SANBR: variants seen among roughly 807,000 people sequenced by gnomAD.
SANBR encodes SANT and BTB domain regulator of CSR, also known as SANT and BTB domain regulator of class switch recombination.
A neutral mutation model predicts 101.8 loss-of-function variants in SANBR; 77 were observed. The ratio of observed to expected loss-of-function variants is 0.76; its 90% CI spans 0.63 to 0.91. The LOEUF (loss-of-function observed/expected upper bound fraction) is 0.91, where lower values mean the gene tolerates loss of function less well. SANBR is among the 40% of genes least tolerant of loss of function. The probability of loss-of-function intolerance (pLI) is 0.00; values close to 1 mark genes in which losing one functional copy is unlikely to be tolerated. For synonymous variants in SANBR, 279 were observed against 274.7 expected (o/e 1.02, Z -0.15); for missense variants, 875 against 853.0 (o/e 1.03, Z -0.32).
At chr2:61,094,532 T>A (rs1682930817) in intron 11 of SANBR, among the ~76,000 whole-genome samples, 1 of 152,156 alleles carries the variant, frequency 6.6e-6, no homozygotes, top group African/African-American at 2.4e-5. Context: ...AGTTGGAGGA[T>A]GTTTGTGGTC....
At chr2:61,068,298 G>A (rs550963627) in intron 1 of SANBR, among the ~76,000 whole-genome samples, 1 of 152,212 alleles carries the variant, frequency 6.6e-6, no homozygotes, top group African/African-American at 2.4e-5. Context: ...ACTTTGAGAT[G>A]ACCAACTCTT....
At chr2:61,137,633 GA>G (rs1031691335) in exon 22 of SANBR, 1 of 152,132 alleles carries the variant, frequency 6.6e-6, no homozygotes, top group Non-Finnish European at 1.5e-5. Flanking sequence ...CAAGTAGACA[GA>G]AAAGTACAGA....
chr2:61,085,754 G>A (rs983397704), intron 8 of SANBR, among the ~76,000 whole-genome samples: 7 of 151,664 alleles, frequency 4.6e-5, no homozygotes, highest in East Asian at 1.9e-4. Context: ...CAGGTGATCC[G>A]CCCGCCTCGG....
At chr2:61,080,752 A>C (rs1046759751) in intron 6 of SANBR, among the ~76,000 whole-genome samples, 1 of 151,926 alleles carries the variant, frequency 6.6e-6, no homozygotes, top group Non-Finnish European at 1.5e-5. Flanking sequence ...AAAACAAAAA[A>C]CCTTGAATCT....
At chr2:61,074,561 A>G (rs567947100) in intron 5 of SANBR, among the ~76,000 whole-genome samples, 2 of 152,248 alleles carry the variant, frequency 1.3e-5, no homozygotes, top group East Asian at 1.9e-4. Flanking sequence ...GGTGTGTGCC[A>G]CCGTGCCCAT....
chr2:61,097,729 T>C lies in SANBR; in HGVS notation c.1242T>C (p.Cys414=). ...TTCTCTGTATTGAATTTTCACATTGTCAATACCACTCAGAAACAGTGGTTT... is the reference window on the plus strand; with the variant it reads ...TTCTCTGTATTGAATTTTCACATTGCCAATACCACTCAGAAACAGTGGTTT... ...QAFLCIEFSH[C]QYHSETVVYP... is the part of the protein sequence containing the mutation. Residue 414 remains cysteine, a synonymous_variant, in exon 12 of 22, where the codon TGT becomes TGC. Transcript: ENST00000402291. The C allele has an allele frequency of 1.9e-6, 3 of 1,608,678 alleles. No homozygotes were observed. The highest frequency in any genetic ancestry group is 2.6e-6 in the Non-Finnish European group (3 of 1,176,112).
At chr2:61,098,252 C>T (rs983430644) in intron 12 of SANBR, among the ~76,000 whole-genome samples, 8 of 151,776 alleles carry the variant, frequency 5.3e-5, no homozygotes, top group African/African-American at 9.7e-5. Context: ...TACAGGCACA[C>T]GCCATCACAC....
At chr2:61,101,659 G>C (rs1156339977) in intron 12 of SANBR, among the ~76,000 whole-genome samples, 1 of 151,980 alleles carries the variant, frequency 6.6e-6, no homozygotes, top group Non-Finnish European at 1.5e-5. Flanking sequence ...TGTGAACCTG[G>C]GAGGTGGAGC....
rs140011996 is a variant in SANBR, at chr2:61,073,487, T to C, written c.367T>C (p.Cys123Arg). 24 of 1,583,242 alleles carry C rather than the reference T, an allele frequency of 1.5e-5. No individual in the cohort carries two copies. In the African/African-American group the frequency reaches 3.2e-4, roughly 21 times the overall value. The stretch of plus-strand genomic sequence containing the variant: ...ACATAGTATAGCTTCCACAAGGAAT[T>C]GTTCTTCAGAAAGTGAAAATTGTAC... ...GRHSIASTRNCSSESENCTTH... is the reference protein window; with the variant it reads ...GRHSIASTRNRSSESENCTTH... Residue 123 changes from cysteine to arginine, a missense_variant, in exon 5 of 22, where the codon TGT becomes CGT. Coordinates refer to ENST00000402291, the MANE Select transcript of SANBR (RefSeq NM_001129993.3).
chr2:61,109,729 C>A (rs532228285), intron 16 of SANBR, among the ~76,000 whole-genome samples: 1 of 132,642 alleles, frequency 7.5e-6, no homozygotes, highest in South Asian at 2.4e-4. Context: ...GTCACAGTGG[C>A]GCAATCTTGG....
rs1156863382 is a variant in SANBR, at chr2:61,076,532, GC to G, written c.432-387del. On this transcript the variant is annotated intron_variant, in intron 5 of 21. Transcript: ENST00000402291. ...AGTCCCAGCTACTCAGGAGGCTGAG[GC>G]AGGAGAATGGCATGAACCCGGGAGG... 2.0e-5 allele frequency among the ~76,000 whole-genome samples: 3 copies of G among 149,804 alleles called. No individual in the cohort carries two copies. In the East Asian group the frequency reaches 5.9e-4, roughly 29 times the overall value.
intron 8 of SANBR, among the ~76,000 whole-genome samples, chr2:61,087,378 C>T (rs186350409): frequency 3.3e-5 from 5 of 151,050 alleles, no homozygotes; most frequent in East Asian, 2.0e-4. Flanking sequence ...GCAACATAGC[C>T]AGCCCCAATC....
intron 10 of SANBR, chr2:61,089,226 G>A (rs1682612361): frequency 3.0e-6 from 3 of 983,738 alleles, no homozygotes; most frequent in Non-Finnish European, 3.6e-6. Context: ...TCATTAATAT[G>A]TAGGCCGGGC....
At chr2:61,132,254 A>C (rs1684710885) in intron 20 of SANBR, among the ~76,000 whole-genome samples, 1 of 152,270 alleles carries the variant, frequency 6.6e-6, no homozygotes, top group South Asian at 2.1e-4. Context: ...GAAAATGTTT[A>C]CAAAGTATGT....
At chr2:61,105,950 G>T (rs529800968) in intron 13 of SANBR, among the ~76,000 whole-genome samples, 1 of 152,092 alleles carries the variant, frequency 6.6e-6, no homozygotes, top group Non-Finnish European at 1.5e-5. Context: ...GATTAGAGGC[G>T]TGACCCACTG....
At chr2:61,092,894 G>A (rs900578153) in intron 11 of SANBR, among the ~76,000 whole-genome samples, 3 of 151,982 alleles carry the variant, frequency 2.0e-5, no homozygotes, top group Non-Finnish European at 4.4e-5. Flanking sequence ...AGCACTTTGG[G>A]AGGCCGAGGT....
In SANBR at chr2:61,071,674, A is replaced by G. The variant is rs768327758; in HGVS notation, c.219A>G (p.Leu73=). 7.5e-6 allele frequency: 12 copies of G among 1,602,810 alleles called. No homozygotes were observed. The African/African-American group carries it at 1.4e-4, about 18-fold the overall frequency. The change falls in exon 4 of 22, where the codon CTA becomes CTG. Residue 73 remains leucine, a synonymous_variant. Coordinates refer to ENST00000402291, the MANE Select transcript of SANBR (RefSeq NM_001129993.3). Reference sequence around the variant, plus strand: ...CTGTTGACAACCAGTATAATTCCCTAATGGCTGCTGGAGAGAGTCCTGTTG... The same window carrying G: ...CTGTTGACAACCAGTATAATTCCCTGATGGCTGCTGGAGAGAGTCCTGTTG... ...SSPVDNQYNS[L]MAAGESPVET...
At chr2:61,121,456 G>T in intron 21 of SANBR, 180 bp downstream of exon 21, 1 of 469,862 alleles carries the variant, frequency 2.1e-6, no homozygotes. Context: ...AAAATCTAAT[G>T]AAAATATAGC....
At chr2:61,102,477 A>G (rs965675764) in intron 12 of SANBR, among the ~76,000 whole-genome samples, 1 of 152,126 alleles carries the variant, frequency 6.6e-6, no homozygotes, top group African/African-American at 2.4e-5. Context: ...AACTGGAGAA[A>G]TCCCAGCACA....
Sources: allele counts gnomAD v4.1 joint callset (sites outside exome capture counted in the v4.1 genomes callset), GRCh38; gene constraint gnomAD v4.1.1; transcripts MANE v1.5; gene names NCBI Gene and HGNC (gene_info 2026-07-23, HGNC 2026-07-21).